The following ELAVL2 variants were observed in gnomAD, a reference collection of about 807,000 sequenced individuals.
ELAVL2 encodes the protein ELAV like RNA binding protein 2.
In ELAVL2, 4 loss-of-function variants were observed where a neutral mutation model predicts 34.6. That is an observed-to-expected ratio of 0.12 (90% CI 0.06 to 0.26). ELAVL2 has a LOEUF of 0.26. Among genes scored for constraint, ELAVL2 ranks in the 10% least tolerant of loss-of-function variants. The probability of loss-of-function intolerance (pLI) is 1.00; values close to 1 mark genes in which losing one functional copy is unlikely to be tolerated. For missense variants in ELAVL2, 432 were observed against 442.8 expected (o/e 0.98, Z 0.22); for synonymous variants, 193 against 154.8 (o/e 1.25, Z -1.83).
chr9:23,745,743 C>T (rs981415326), intron 2 of ELAVL2, among the ~76,000 whole-genome samples: 1 of 152,090 alleles, frequency 6.6e-6, no homozygotes, highest in African/African-American at 2.4e-5. Context: ...AAGAAATGAC[C>T]ACTAAATAAG....
chr9:23,738,768 G>A (rs911054291), intron 2 of ELAVL2, among the ~76,000 whole-genome samples: 1 of 152,132 alleles, frequency 6.6e-6, no homozygotes, highest in Admixed American at 6.5e-5. Context: ...GTGATCATTT[G>A]GTAAATATTA....
the ELAVL2 span, among the ~76,000 whole-genome samples, chr9:23,836,322 C>T: frequency 6.6e-6 from 1 of 152,146 alleles, no homozygotes; most frequent in African/African-American, 2.4e-5. Context: ...AACAAATAGA[C>T]ATTTCCTTGA....
chr9:23,749,784 C>T (rs1408623266), intron 2 of ELAVL2, among the ~76,000 whole-genome samples: 1 of 152,050 alleles, frequency 6.6e-6, no homozygotes, highest in Non-Finnish European at 1.5e-5. Context: ...AAGGCTTCTC[C>T]ATCAATTTGG....
intron 2 of ELAVL2, among the ~76,000 whole-genome samples, chr9:23,732,483 C>A (rs1241850926): frequency 6.6e-6 from 1 of 152,158 alleles, no homozygotes; most frequent in Non-Finnish European, 1.5e-5. Flanking sequence ...TCATCTCACA[C>A]TAAAATTGAG....
At chr9:23,799,227 C>A (rs1409344595) in intron 1 of ELAVL2, among the ~76,000 whole-genome samples, 2 of 152,168 alleles carry the variant, frequency 1.3e-5, no homozygotes, top group East Asian at 3.9e-4. Flanking sequence ...GAGTACCTCT[C>A]GCCTATGACT....
chr9:23,711,573 G>A (rs1003483608), intron 3 of ELAVL2, among the ~76,000 whole-genome samples: 1 of 152,102 alleles, frequency 6.6e-6, no homozygotes, highest in Non-Finnish European at 1.5e-5. Flanking sequence ...CTTCCAATCA[G>A]CTAAATTTCA....
upstream of ELAVL2, among the ~76,000 whole-genome samples, chr9:23,829,393 T>C (rs1363807827): frequency 1.3e-5 from 2 of 151,954 alleles, no homozygotes; most frequent in Non-Finnish European, 2.9e-5. Context: ...AGGGAAGGAG[T>C]GATTTTACAT....
chr9:23,694,226 G>A (rs369306620), intron 5 of ELAVL2, among the ~76,000 whole-genome samples: 4 of 151,304 alleles, frequency 2.6e-5, no homozygotes, highest in African/African-American at 9.7e-5. Context: ...GTTTTCAAAG[G>A]CCAGGTAGGA....
rs554476607 is a variant in ELAVL2, at chr9:23,717,677, G to A, written c.334-12606C>T. ...ACACAGAGGCCTCTAGACAGCAAGTGGCATATCCATTTTCATTGTATTCTG... is the reference window on the plus strand; with the variant it reads ...ACACAGAGGCCTCTAGACAGCAAGTAGCATATCCATTTTCATTGTATTCTG... On this transcript the variant is annotated intron_variant, in intron 3 of 6. Transcript: ENST00000397312. 3.9e-5 allele frequency among the ~76,000 whole-genome samples: 6 copies of A among 152,164 alleles called. No homozygotes were observed. In the South Asian group the frequency reaches 1.2e-3, roughly 32 times the overall value.
rs1227441771 is a variant in ELAVL2, at chr9:23,691,352, C to A, written c.*1205G>T. The A allele has an allele frequency of 6.6e-6, 1 of 152,554 alleles. No individual in the cohort carries two copies. Among genetic ancestry groups the A allele is most frequent in the Non-Finnish European group, 1.5e-5 (1 of 67,996 alleles). 9.5% of individuals were successfully genotyped at this position (152,554 alleles called of 1,614,324 possible). A position where few individuals can be genotyped will look rare whatever the true frequency, so the allele number is the denominator to read the frequency against. On this transcript the variant is annotated 3_prime_UTR_variant, in exon 7 of 7. Coordinates refer to ENST00000397312, the MANE Select transcript of ELAVL2 (RefSeq NM_004432.5). ...AGCCTTGAACGTAACTTTCAAAATA[C>A]CTTCAAATATATCCAACTCAGATCA...
At chr9:23,760,054 C>G (rs964978316) in intron 2 of ELAVL2, among the ~76,000 whole-genome samples, 1 of 151,534 alleles carries the variant, frequency 6.6e-6, no homozygotes, top group Non-Finnish European at 1.5e-5. Context: ...GCTTCTATTA[C>G]CACCGTCTAC....
At chr9:23,693,366 G>T in intron 6 of ELAVL2, 82 bp downstream of exon 6, 1 of 1,524,502 alleles carries the variant, frequency 6.6e-7, no homozygotes, top group Middle Eastern at 1.8e-4. Flanking sequence ...AACTTATGAG[G>T]GGTGTGAATA....
chr9:23,779,758 G>T (rs1224083029), intron 1 of ELAVL2, among the ~76,000 whole-genome samples: 1 of 151,786 alleles, frequency 6.6e-6, no homozygotes, highest in African/African-American at 2.4e-5. Context: ...GAAAGTTTCT[G>T]TGATTTCAAG....
chr9:23,844,493 CAA>C, the ELAVL2 span, among the ~76,000 whole-genome samples: 2 of 151,900 alleles, frequency 1.3e-5, no homozygotes, highest in Non-Finnish European at 2.9e-5. Flanking sequence ...ATTAGAAATT[CAA>C]AAGTCTAGAT....
intron 1 of ELAVL2, among the ~76,000 whole-genome samples, chr9:23,791,755 G>C (rs1051119162): frequency 6.6e-6 from 1 of 152,194 alleles, no homozygotes; most frequent in African/African-American, 2.4e-5. Context: ...GCCTGAAACA[G>C]TGGTCTTGCC....
chr9:23,770,692 G>A (rs551416879), intron 1 of ELAVL2, among the ~76,000 whole-genome samples: 7 of 152,194 alleles, frequency 4.6e-5, no homozygotes, highest in Non-Finnish European at 8.8e-5. Flanking sequence ...AAGACTCTGG[G>A]AGGAATGCAG....
Position 23,729,012 on chromosome 9 carries a change from A to T in ELAVL2, c.333+2010T>A, listed in dbSNP as rs191984540. ...AGCTTTACTGTGCTTTCTTCCACATATTCAGCCCAAGCAGCTGGGCCCTAA... is the reference window on the plus strand; with the variant it reads ...AGCTTTACTGTGCTTTCTTCCACATTTTCAGCCCAAGCAGCTGGGCCCTAA... On this transcript the variant is annotated intron_variant, in intron 3 of 6. Coordinates refer to ENST00000397312, the MANE Select transcript of ELAVL2 (RefSeq NM_004432.5). Among the ~76,000 whole-genome samples, 386 of 152,254 alleles carry T rather than the reference A, an allele frequency of 2.5e-3. 2 individuals carry two copies. Among genetic ancestry groups the T allele is most frequent in the African/African-American group, 8.4e-3 (351 of 41,564 alleles).
chr9:23,741,599 T>G (rs932647171), intron 2 of ELAVL2, among the ~76,000 whole-genome samples: 1 of 152,076 alleles, frequency 6.6e-6, no homozygotes, highest in Non-Finnish European at 1.5e-5. Flanking sequence ...CAGGCTAATC[T>G]TGAAACAAAC....
At chr9:23,776,820 T>A (rs2058280060) in intron 1 of ELAVL2, among the ~76,000 whole-genome samples, 1 of 151,202 alleles carries the variant, frequency 6.6e-6, no homozygotes, top group African/African-American at 2.4e-5. Flanking sequence ...TATTTGAGTG[T>A]GGACACGTAT....
Sources: gnomAD v4.1 joint callset for allele counts (sites outside exome capture counted in the v4.1 genomes callset) on GRCh38, gnomAD v4.1.1 for gene constraint, MANE v1.5 for transcripts, NCBI Gene and HGNC (gene_info 2026-07-23, HGNC 2026-07-21) for gene names.